Variants in HS1BP3 observed in about 807,000 individuals in gnomAD.
The protein encoded by HS1BP3 is HCLS1-binding protein 3.
In HS1BP3, 32 loss-of-function variants were observed where a neutral mutation model predicts 33.5. The observed-to-expected ratio is 0.95, with a 90% CI of 0.72 to 1.28. The LOEUF is 1.28. Ranked by LOEUF, HS1BP3 falls within the 50% of genes most tolerant of loss-of-function variation. The pLI, the probability that HS1BP3 is intolerant of heterozygous loss-of-function variation, is 0.00. For missense variants in HS1BP3, 486 were observed against 502.3 expected, an observed-to-expected ratio of 0.97 and a Z score of 0.31; for synonymous variants, 187 against 209.2, an observed-to-expected ratio of 0.89 and a Z score of 0.92.
intron 3 of HS1BP3, among the ~76,000 whole-genome samples, chr2:20,595,603 T>C (rs1434932487): frequency 6.6e-6 from 1 of 152,248 alleles, no homozygotes; most frequent in African/African-American, 2.4e-5. Flanking sequence ...GCGAAGGGAC[T>C]GCAGCCTGCT....
chr2:20,642,507 C>T (rs111464081), intron 2 of HS1BP3, among the ~76,000 whole-genome samples: 63 of 152,376 alleles, frequency 4.1e-4, no homozygotes, highest in African/African-American at 1.5e-3. Context: ...ATTGCTAACA[C>T]AGGCTCCGAC....
chr2:20,583,188 GC>G, intron 5 of HS1BP3, among the ~76,000 whole-genome samples: 1 of 152,208 alleles, frequency 6.6e-6, no homozygotes, highest in Non-Finnish European at 1.5e-5. Flanking sequence ...AGTTTCTCAG[GC>G]CCCCAGCCTG....
intron 5 of HS1BP3, among the ~76,000 whole-genome samples, chr2:20,572,432 G>T (rs1693296810): frequency 6.6e-6 from 1 of 152,178 alleles, no homozygotes; most frequent in Admixed American, 6.5e-5. Context: ...ACCCTATGCT[G>T]GTGATTTAGA....
intron 1 of HS1BP3, among the ~76,000 whole-genome samples, chr2:20,646,699 A>G (rs1695530673): frequency 6.6e-6 from 1 of 152,248 alleles, no homozygotes; most frequent in South Asian, 2.1e-4. Context: ...CCCTCTGCCA[A>G]CGGCACCGAG....
chr2:20,647,573 C>T (rs1465869881), intron 1 of HS1BP3, among the ~76,000 whole-genome samples: 1 of 152,146 alleles, frequency 6.6e-6, no homozygotes, highest in Non-Finnish European at 1.5e-5. Flanking sequence ...ATGTTCGGGC[C>T]TAGGGTGGCC....
At chr2:20,576,383 C>T (rs543800759) in intron 5 of HS1BP3, among the ~76,000 whole-genome samples, 33 of 152,302 alleles carry the variant, frequency 2.2e-4, no homozygotes, top group Non-Finnish European at 1.2e-4. Context: ...CAGCTGGAAC[C>T]TCACCTCCTC....
chr2:20,630,608 T>C (rs572911801), intron 4 of HS1BP3, among the ~76,000 whole-genome samples: 3 of 152,272 alleles, frequency 2.0e-5, no homozygotes, highest in Non-Finnish European at 4.4e-5. Flanking sequence ...AGAGTACCAA[T>C]AAATGGACTT....
At chr2:20,626,294 G>A (rs533995064) in intron 4 of HS1BP3, among the ~76,000 whole-genome samples, 5 of 152,246 alleles carry the variant, frequency 3.3e-5, no homozygotes, top group Non-Finnish European at 7.3e-5. Flanking sequence ...AGCCAGGAAG[G>A]CTCCCTGCTG....
At chr2:20,622,207 A>G (rs1045931684) in intron 6 of HS1BP3, 11 of 1,295,852 alleles carry the variant, frequency 8.5e-6, no homozygotes, top group African/African-American at 1.5e-5. Context: ...AACATTCTTT[A>G]TTATGAGGAA....
At chr2:20,600,856 A>C (rs1398617595) in intron 2 of HS1BP3, among the ~76,000 whole-genome samples, 3 of 152,032 alleles carry the variant, frequency 2.0e-5, no homozygotes, top group African/African-American at 4.8e-5. Flanking sequence ...TGTATTTCAA[A>C]ATTTTTTTAT....
rs536417456 is a variant in HS1BP3, at chr2:20,582,637, C to A, written c.303-22122G>T. 7.2e-4 allele frequency among the ~76,000 whole-genome samples: 109 copies of A among 152,230 alleles called. No homozygotes were observed. In the Middle Eastern group the frequency reaches 0.02, roughly 29 times the overall value. On this transcript the variant is annotated intron_variant, in intron 5 of 5. Transcript: ENST00000446825. ...CCCCATCCTTGGCATCAGGGGACCCCACCCACCCTCTTTCCACTCGGGTTT... is the reference window on the plus strand; with the variant it reads ...CCCCATCCTTGGCATCAGGGGACCCAACCCACCCTCTTTCCACTCGGGTTT...
rs546238072 is a variant in HS1BP3, at chr2:20,611,302, G to A, written c.178+12594C>T. On this transcript the variant is annotated intron_variant, in intron 2 of 3. Coordinates refer to the HS1BP3 transcript ENST00000415264. This position sits in a 1 kb window ranked among gnomAD's most constrained non-coding sequence, Gnocchi z 4.9. Reference sequence around the variant, plus strand: ...GTCTTTGTGTGTGTGGCTTCTTTTCGAAGGAAGGGGGAACGCTGGCTCACT... The same window carrying A: ...GTCTTTGTGTGTGTGGCTTCTTTTCAAAGGAAGGGGGAACGCTGGCTCACT... Among the ~76,000 whole-genome samples, 8 of 152,210 alleles carry A rather than the reference G, an allele frequency of 5.3e-5. No homozygotes were observed. The highest frequency in any genetic ancestry group is 3.4e-3 in the Middle Eastern group (1 of 294).
intron 5 of HS1BP3, among the ~76,000 whole-genome samples, chr2:20,563,028 T>C (rs1486810261): frequency 6.6e-6 from 1 of 152,198 alleles, no homozygotes; most frequent in African/African-American, 2.4e-5. Flanking sequence ...CTTCGTCAGC[T>C]GCATTAATGA....
rs554060742 is a variant in HS1BP3, at chr2:20,644,427, A to G, written c.198+913T>C. ...GATTTTTAATATCACCTCCAAGTTG[A>G]TGACTCCCAAGCCTACATCTCAGGC... On this transcript the variant is annotated intron_variant, in intron 2 of 6. Coordinates refer to ENST00000304031, the MANE Select transcript of HS1BP3 (RefSeq NM_022460.4). Among the ~76,000 whole-genome samples, 5 of 152,246 alleles carry G rather than the reference A, an allele frequency of 3.3e-5. No individual in the cohort carries two copies. In the South Asian group the frequency reaches 1.0e-3, roughly 32 times the overall value.
In HS1BP3 at chr2:20,623,889, G is replaced by C; in HGVS notation, c.920+7C>G. 1 of 1,610,966 alleles carries C rather than the reference G, an allele frequency of 6.2e-7. No individual in the cohort carries two copies. Among genetic ancestry groups the C allele is most frequent in the Non-Finnish European group, 8.5e-7 (1 of 1,179,490 alleles). On this transcript the variant is annotated splice_region_variant and intron_variant, in intron 6 of 6. Transcript: ENST00000304031. ...GCTGGCCAAGCGCCGCTGGGGACAG[G>C]TGGTACCTGAACAGTTCCTTGGAGG...
chr2:20,597,805 G>C (rs372700875), intron 3 of HS1BP3, among the ~76,000 whole-genome samples: 1 of 152,192 alleles, frequency 6.6e-6, no homozygotes, highest in Non-Finnish European at 1.5e-5. Flanking sequence ...AGGATTCAAG[G>C]AAAGAAGACC....
intron 5 of HS1BP3, among the ~76,000 whole-genome samples, chr2:20,565,024 G>A (rs189925299): frequency 1.3e-5 from 2 of 152,314 alleles, no homozygotes; most frequent in African/African-American, 4.8e-5. Context: ...AGGGACATTA[G>A]CAACAGCCCA....
rs577980469 is a variant in HS1BP3, at chr2:20,645,539, G to T, written c.33-34C>A. The T allele has an allele frequency of 4.4e-6, 7 of 1,588,342 alleles. No individual in the cohort carries two copies. The Admixed American group carries it at 1.2e-4, about 27-fold the overall frequency. On this transcript the variant is annotated intron_variant, in intron 1 of 6. Transcript: ENST00000304031. ...GGAAAAGAAGGCAGGTGGGGTTCAG[G>T]GTCAAGGCAGTAGGCTTCCCGAGCA...
At chr2:20,561,915 G>A (rs946993211) in intron 5 of HS1BP3, among the ~76,000 whole-genome samples, 2 of 152,086 alleles carry the variant, frequency 1.3e-5, no homozygotes, top group African/African-American at 2.4e-5. Flanking sequence ...TAACCCTAGC[G>A]CCCAACCTCC....
Sources: gnomAD v4.1 joint callset for allele counts (sites outside exome capture counted in the v4.1 genomes callset) on GRCh38, gnomAD v4.1.1 for gene constraint, Gnocchi (gnomAD v3.1) non-coding constraint, MANE v1.5 for transcripts, NCBI Gene and HGNC (gene_info 2026-07-23, HGNC 2026-07-21) for gene names.